Variants in TRAPPC6A observed in about 807,000 individuals in gnomAD.
TRAPPC6A encodes trafficking protein particle complex subunit 6A, also known as TRAPP complex subunit 6A.
In TRAPPC6A, 25 loss-of-function variants were observed where a neutral mutation model predicts 20.8. The observed-to-expected ratio is 1.20, with a 90% confidence interval of 0.88 to 1.68. TRAPPC6A has a LOEUF of 1.68. Among genes scored for constraint, TRAPPC6A ranks in the 40% most tolerant of loss-of-function variants. TRAPPC6A has a pLI of 0.00. For missense variants in TRAPPC6A, 215 were observed against 211.6 expected, an observed-to-expected ratio of 1.02 and a Z score of -0.10; for synonymous variants, 96 against 93.3, an observed-to-expected ratio of 1.03 and a Z score of -0.16.
At position 45,165,300 on chromosome 19, in the gene TRAPPC6A, C is replaced by T. The variant is rs535683036; in HGVS notation, c.85-106G>A. ...ACCCAAAGACCAACTTGCTGGTGCT[C>T]GTCAGTTCAGGGGTGAGCAGGGAGG... On this transcript the variant is annotated intron_variant, in intron 1 of 5. Coordinates refer to ENST00000585934, the MANE Select transcript of TRAPPC6A (RefSeq NM_001270891.2). 5 of 1,113,272 alleles carry T rather than the reference C, an allele frequency of 4.5e-6. No homozygotes were observed. The African/African-American group carries it at 6.2e-5, about 14-fold the overall frequency. The allele number at this position is 1,113,272 out of a possible 1,614,324, so 69.0% of individuals were successfully genotyped here.
chr19:45,165,086 T>C, intron 2 of TRAPPC6A, 41 bp downstream of exon 2: 1 of 1,610,922 alleles, frequency 6.2e-7, no homozygotes, highest in Non-Finnish European at 8.5e-7. Context: ...TGCCCAGCCC[T>C]GCCAGCCAGG....
rs1438026284 is a variant in TRAPPC6A, at chr19:45,178,185, T to G, written c.34A>C (p.Thr12Pro). The G allele has an allele frequency of 8.7e-6, 14 of 1,611,388 alleles. No homozygotes were observed. The highest frequency in any genetic ancestry group is 1.2e-5 in the Non-Finnish European group (14 of 1,178,146). The change falls in exon 1 of 6, where the codon ACG (threonine) becomes CCG (proline). Residue 12 changes from threonine to proline, a missense_variant. Thr to Pro is a conservative substitution (Grantham distance 38, BLOSUM62 -1). Coordinates refer to ENST00000585934, the MANE Select transcript of TRAPPC6A (RefSeq NM_001270891.2). ...GCCCACAGCTCAGCCACCATCTCCG[T>G]GTGAAGAAACTCAAACAACACAGTA... ...ADTVLFEFLH[T>P]EMVAELWAHD... is the part of the protein sequence containing the mutation.
rs1414675269 is a variant in TRAPPC6A at position 45,163,941 on chromosome 19, G to A, written c.423C>T (p.Thr141=). ...AGACGGGCAGGGCTGCCACGGAGGC[G>A]GTGACCACGCTCTCAATGCCCAGGG... ...LYTLGIESVV[T]ASVAALPVCK... The change falls in exon 5 of 6, where the codon ACC becomes ACT. Residue 141 remains threonine, a synonymous_variant. Transcript: ENST00000585934. This position sits in a 1 kb window ranked among gnomAD's most constrained non-coding sequence, Gnocchi z 5.3. The A allele has an allele frequency of 1.3e-5, 20 of 1,581,578 alleles. No homozygotes were observed. The highest frequency in any genetic ancestry group is 1.7e-4 in the Middle Eastern group (1 of 6,044).
chr19:45,173,143 A>C lies in TRAPPC6A; in HGVS notation c.84+4992T>G, dbSNP rs1969300229. 6.6e-6 allele frequency among the ~76,000 whole-genome samples: 1 copy of C among 151,552 alleles called. No individual in the cohort carries two copies. Among genetic ancestry groups the C allele is most frequent in the Non-Finnish European group, 1.5e-5 (1 of 67,976 alleles). On this transcript the variant is annotated intron_variant, in intron 1 of 5. Coordinates refer to ENST00000585934, the MANE Select transcript of TRAPPC6A (RefSeq NM_001270891.2). This position sits in a 1 kb window ranked among gnomAD's most constrained non-coding sequence, Gnocchi z 4.8. ...CCTTAGCTCTTTACTACATGCACTC[A>C]GGGGAATCCTCTCTTTGCCCAAAGG...
intron 4 of TRAPPC6A, 26 bp from the exon 5 acceptor site, chr19:45,164,035 G>A: frequency 6.4e-7 from 1 of 1,560,192 alleles, no homozygotes; most frequent in Non-Finnish European, 8.7e-7. Context: ...AGACCAGCAT[G>A]GGAAGAGAGG....
rs756831877 is a variant in TRAPPC6A, at chr19:45,163,900, A to AC, written c.448+15dup. The AC allele has an allele frequency of 2.2e-6, 3 of 1,355,736 alleles. No homozygotes were observed. The highest frequency in any genetic ancestry group is 1.4e-5 in the African/African-American group (1 of 69,150). 84.0% of individuals were successfully genotyped at this position (1,355,736 alleles called of 1,614,324 possible). ...CTCAAGGGATGAGAAGAATCCCCCCACCCCCCATGACTCACAGACGGGCAG... is the reference window on the plus strand; with the variant it reads ...CTCAAGGGATGAGAAGAATCCCCCCACCCCCCCATGACTCACAGACGGGCAG... On this transcript the variant is annotated intron_variant, in intron 5 of 5. Transcript: ENST00000585934. The surrounding 1 kb of genome is among the most constrained non-coding windows in gnomAD (Gnocchi z 5.3).
intron 1 of TRAPPC6A, among the ~76,000 whole-genome samples, chr19:45,168,191 G>A (rs1479628268): frequency 6.6e-6 from 1 of 151,798 alleles, no homozygotes; most frequent in African/African-American, 2.4e-5. Context: ...TTTTAGCAGG[G>A]ACGGGGTTTC....
chr19:45,164,697 C>T (rs994658604), intron 3 of TRAPPC6A, 156 bp downstream of exon 3: 4 of 709,704 alleles, frequency 5.6e-6, no homozygotes, highest in Non-Finnish European at 2.5e-6. Flanking sequence ...TCCTGGCTTC[C>T]CTTAGAGGAT....
intron 1 of TRAPPC6A, among the ~76,000 whole-genome samples, chr19:45,174,662 C>T (rs558576161): frequency 6.6e-6 from 1 of 152,054 alleles, no homozygotes; most frequent in African/African-American, 2.4e-5. Flanking sequence ...AAACCTATCT[C>T]TACAAAAAAT....
intron 1 of TRAPPC6A, among the ~76,000 whole-genome samples, chr19:45,177,037 G>A (rs1050928191): frequency 2.0e-5 from 3 of 152,132 alleles, no homozygotes; most frequent in Admixed American, 6.6e-5. Context: ...AATTAGCCAG[G>A]TGTGGTGGCG....
At position 45,173,875 on chromosome 19, in the gene TRAPPC6A, C is replaced by G. The variant is rs12610524; in HGVS notation, c.84+4260G>C. On this transcript the variant is annotated intron_variant, in intron 1 of 5. Transcript: ENST00000585934. This position sits in a 1 kb window ranked among gnomAD's most constrained non-coding sequence, Gnocchi z 4.8. The stretch of plus-strand genomic sequence containing the variant: ...CTGAGGCCTGACACTCAGGCCTCAC[C>G]CCAACCGGGTTCGTCAGAGTCTCTG... Among the ~76,000 whole-genome samples, 5,939 of 152,192 alleles carry G rather than the reference C, an allele frequency of 0.039. 353 individuals are homozygous for G. Among genetic ancestry groups the G allele is most frequent in the East Asian group, 0.28 (1,449 of 5,158 alleles).
At chr19:45,165,578 G>A (rs550426701) in intron 1 of TRAPPC6A, among the ~76,000 whole-genome samples, 37 of 152,340 alleles carry the variant, frequency 2.4e-4, no homozygotes, top group African/African-American at 6.5e-4. Context: ...GGAAGTGGGC[G>A]CTGCGACTCC....
In TRAPPC6A at chr19:45,173,883, G is replaced by A. The variant is rs368642400; in HGVS notation, c.84+4252C>T. On this transcript the variant is annotated intron_variant, in intron 1 of 5. Transcript: ENST00000585934. The surrounding 1 kb of genome is among the most constrained non-coding windows in gnomAD (Gnocchi z 4.8). The stretch of plus-strand genomic sequence containing the variant: ...TGACACTCAGGCCTCACCCCAACCG[G>A]GTTCGTCAGAGTCTCTGGTGTGGGA... 1.3e-4 allele frequency among the ~76,000 whole-genome samples: 20 copies of A among 152,270 alleles called. No homozygotes were observed. In the East Asian group the frequency reaches 2.3e-3, roughly 18 times the overall value.
chr19:45,177,682 T>A (rs997615955), intron 1 of TRAPPC6A, among the ~76,000 whole-genome samples: 1 of 152,152 alleles, frequency 6.6e-6, no homozygotes, highest in African/African-American at 2.4e-5. Flanking sequence ...AGGGATTCTG[T>A]CTTAGAACGG....
At position 45,163,180 on chromosome 19, in the gene TRAPPC6A, T is replaced by C. The variant is rs763210009; in HGVS notation, c.*12A>G. The C allele has an allele frequency of 6.2e-7, 1 of 1,613,784 alleles. No individual in the cohort carries two copies. The highest frequency in any genetic ancestry group is 1.3e-5 in the African/African-American group (1 of 74,990). The stretch of plus-strand genomic sequence containing the variant: ...AGGGGCAGCAGTGCGGCTCAGCAGG[T>C]GCGAGGCAGGCTTAGGATTTCGGAA... On this transcript the variant is annotated 3_prime_UTR_variant, in exon 6 of 6. Coordinates refer to ENST00000585934, the MANE Select transcript of TRAPPC6A (RefSeq NM_001270891.2). This position sits in a 1 kb window ranked among gnomAD's most constrained non-coding sequence, Gnocchi z 5.3.
chr19:45,169,040 C>T (rs1271285885), intron 1 of TRAPPC6A, among the ~76,000 whole-genome samples: 2 of 152,244 alleles, frequency 1.3e-5, no homozygotes, highest in South Asian at 2.1e-4. Context: ...TGCTTTCCTC[C>T]AGTGTCCTCA....
At chr19:45,165,041 T>A in intron 2 of TRAPPC6A, 71 bp from the exon 3 acceptor site, 2 of 1,609,168 alleles carry the variant, frequency 1.2e-6, no homozygotes, top group Non-Finnish European at 1.7e-6. Context: ...GCCCGACTCC[T>A]GCATGGAGCA....
In TRAPPC6A at chr19:45,173,569, C is replaced by A. The variant is rs1313580507; in HGVS notation, c.84+4566G>T. Among the ~76,000 whole-genome samples, 2 of 152,208 alleles carry A rather than the reference C, an allele frequency of 1.3e-5. No individual in the cohort carries two copies. Among genetic ancestry groups the A allele is most frequent in the Non-Finnish European group, 2.9e-5 (2 of 68,032 alleles). On this transcript the variant is annotated intron_variant, in intron 1 of 5. Coordinates refer to ENST00000585934, the MANE Select transcript of TRAPPC6A (RefSeq NM_001270891.2). The surrounding 1 kb of genome is among the most constrained non-coding windows in gnomAD (Gnocchi z 4.8). ...CTCTACCAAGCACAGGGTCCCTCCT[C>A]TGTGAATCGGGAGGGCTGTCCTGAG...
chr19:45,171,698 T>C (rs549368089), intron 1 of TRAPPC6A, among the ~76,000 whole-genome samples: 1 of 152,252 alleles, frequency 6.6e-6, no homozygotes, highest in East Asian at 1.9e-4. Flanking sequence ...TTGGAAGAGA[T>C]GCAGGAAGTC....
Sources: allele counts gnomAD v4.1 joint callset (sites outside exome capture counted in the v4.1 genomes callset), GRCh38; gene constraint gnomAD v4.1.1; non-coding constraint Gnocchi (gnomAD v3.1); transcripts MANE v1.5; gene names NCBI Gene and HGNC (gene_info 2026-07-23, HGNC 2026-07-21).